The following NRG3 variants were observed in gnomAD, a reference collection of about 807,000 sequenced individuals.
NRG3 encodes the protein neuregulin 3, also known as pro-neuregulin-3, membrane-bound isoform.
Under a neutral mutation model 66.9 loss-of-function variants are expected in NRG3, and 31 were observed. The observed-to-expected ratio is 0.46, with a 90% confidence interval of 0.35 to 0.63. The LOEUF (loss-of-function observed/expected upper bound fraction) is 0.63. Among genes scored for constraint, NRG3 ranks in the 20% least tolerant of loss-of-function variants. The pLI is 0.00. For missense variants in NRG3, 910 were observed against 878.9 expected (o/e 1.04, Z -0.45); for synonymous variants, 393 against 359.4 (o/e 1.09, Z -1.06).
intron 1 of NRG3, among the ~76,000 whole-genome samples, chr10:82,047,607 T>A (rs7908224): frequency 0.89 from 133,858 of 150,310 alleles, 60,501 homozygotes; most frequent in South Asian, 0.99. Flanking sequence ...GAAGCACTAA[T>A]CATGGAAAGG....
chr10:81,974,092 T>C (rs557538537), intron 1 of NRG3, among the ~76,000 whole-genome samples: 4 of 152,282 alleles, frequency 2.6e-5, no homozygotes, highest in African/African-American at 9.6e-5. Flanking sequence ...GTATATGGTA[T>C]ATGGAAGGGG....
At chr10:82,382,565 A>G (rs2085688398) in intron 2 of NRG3, among the ~76,000 whole-genome samples, 1 of 152,024 alleles carries the variant, frequency 6.6e-6, no homozygotes, top group South Asian at 2.1e-4. Context: ...TAATCCTGCA[A>G]TATAAAAATA....
intron 2 of NRG3, among the ~76,000 whole-genome samples, chr10:82,360,425 A>G (rs987729576): frequency 3.5e-4 from 53 of 152,220 alleles, no homozygotes; most frequent in African/African-American, 1.3e-3. Context: ...TTCGTAATCA[A>G]TTGAAGAAGG....
At chr10:82,574,251 G>A (rs2045909334) in intron 2 of NRG3, among the ~76,000 whole-genome samples, 3 of 151,720 alleles carry the variant, frequency 2.0e-5, no homozygotes, top group African/African-American at 7.3e-5. Context: ...GGTGAAACTG[G>A]AGGTCATATA....
chr10:82,872,169 G>T (rs571560372), intron 4 of NRG3, among the ~76,000 whole-genome samples: 1 of 152,008 alleles, frequency 6.6e-6, no homozygotes, highest in Non-Finnish European at 1.5e-5. Flanking sequence ...TGATATGATC[G>T]TGTGATTTTT....
rs1439972876 is a variant in NRG3 at position 82,919,095 on chromosome 10, GTGTGTA to G, written c.1055-32368_1055-32363del. 6.0e-3 allele frequency among the ~76,000 whole-genome samples: 774 copies of G among 128,078 alleles called. 10 individuals are homozygous for G. Among genetic ancestry groups the G allele is most frequent in the African/African-American group, 0.017 (543 of 31,412 alleles). The allele number at this position is 128,078 out of a possible 152,430, so 84.0% of individuals were successfully genotyped here. A position where few individuals can be genotyped will look rare whatever the true frequency, so the allele number is the denominator to read the frequency against. On this transcript the variant is annotated intron_variant, in intron 4 of 8. Transcript: ENST00000372141. ...TGTGTGTGTGTGTGTGTGTGTGTGT[GTGTGTA>G]TGTGTGTGTGTTCCTATTACAAGTA...
chr10:82,085,259 C>T (rs1477841251), intron 1 of NRG3, among the ~76,000 whole-genome samples: 1 of 152,140 alleles, frequency 6.6e-6, no homozygotes, highest in Non-Finnish European at 1.5e-5. Context: ...ACGTGAGGAA[C>T]AATGGAGGAG....
chr10:82,967,857 T>C (rs1851351746), intron 6 of NRG3, among the ~76,000 whole-genome samples: 1 of 152,194 alleles, frequency 6.6e-6, no homozygotes, highest in Non-Finnish European at 1.5e-5. Context: ...GTCAAACCCA[T>C]GGAAGTATCG....
chr10:82,688,293 G>T, intron 2 of NRG3, among the ~76,000 whole-genome samples: 1 of 151,984 alleles, frequency 6.6e-6, no homozygotes, highest in East Asian at 1.9e-4. Flanking sequence ...TGAGCTCAGC[G>T]TTTTTATTTA....
intron 3 of NRG3, among the ~76,000 whole-genome samples, chr10:82,795,629 G>C (rs1424633652): frequency 6.6e-6 from 1 of 152,128 alleles, no homozygotes; most frequent in African/African-American, 2.4e-5. Context: ...CTGGGCAGGG[G>C]CAAAACACTG....
intron 1 of NRG3, among the ~76,000 whole-genome samples, chr10:81,896,514 G>A (rs1247245508): frequency 6.6e-6 from 1 of 152,114 alleles, no homozygotes; most frequent in African/African-American, 2.4e-5. Flanking sequence ...TGCTGAGATG[G>A]TGTAAGGTGA....
chr10:82,774,934 T>A (rs888313196), intron 3 of NRG3, among the ~76,000 whole-genome samples: 2 of 150,784 alleles, frequency 1.3e-5, no homozygotes, highest in African/African-American at 4.9e-5. Context: ...GCGATTCTTG[T>A]GCATGCCTCA....
chr10:82,117,900 A>G (rs1369946147), intron 1 of NRG3, among the ~76,000 whole-genome samples: 1 of 152,146 alleles, frequency 6.6e-6, no homozygotes, highest in African/African-American at 2.4e-5. Flanking sequence ...GCCTGTGCTT[A>G]CATTTCGCCT....
chr10:82,173,302 G>A (rs1259182691), intron 1 of NRG3, among the ~76,000 whole-genome samples: 1 of 151,602 alleles, frequency 6.6e-6, no homozygotes, highest in Non-Finnish European at 1.5e-5. Flanking sequence ...ATTCAGGACT[G>A]TTTGACAGTT....
chr10:82,406,942 TATC>T (rs2087563951), intron 2 of NRG3, among the ~76,000 whole-genome samples: 1 of 152,148 alleles, frequency 6.6e-6, no homozygotes, highest in African/African-American at 2.4e-5. Flanking sequence ...GGAATCTTCT[TATC>T]ATCATTACTA....
chr10:82,838,197 C>T (rs1211967584), intron 3 of NRG3, among the ~76,000 whole-genome samples: 1 of 152,058 alleles, frequency 6.6e-6, no homozygotes, highest in African/African-American at 2.4e-5. Flanking sequence ...CTTGCTGATA[C>T]ATACAGAGGG....
chr10:82,125,789 C>G (rs948299804), intron 1 of NRG3, among the ~76,000 whole-genome samples: 1 of 151,958 alleles, frequency 6.6e-6, no homozygotes, highest in Admixed American at 6.6e-5. Context: ...CTTATATATT[C>G]TGAATACTGC....
At chr10:82,877,626 T>A (rs562164) in intron 4 of NRG3, among the ~76,000 whole-genome samples, 1 of 146,856 alleles carries the variant, frequency 6.8e-6, no homozygotes, top group Non-Finnish European at 1.5e-5. Context: ...TGACCTCAGG[T>A]GATCCACGTG....
intron 2 of NRG3, among the ~76,000 whole-genome samples, chr10:82,461,995 GT>G (rs1293722275): frequency 6.6e-5 from 10 of 152,106 alleles, no homozygotes; most frequent in African/African-American, 2.4e-4. Context: ...GCCAGACATG[GT>G]GGCACATGCC....
Sources: gnomAD v4.1 joint callset for allele counts (sites outside exome capture counted in the v4.1 genomes callset) on GRCh38, gnomAD v4.1.1 for gene constraint, MANE v1.5 for transcripts, NCBI Gene and HGNC (gene_info 2026-07-23, HGNC 2026-07-21) for gene names.